The following FBXL17 variants were observed in gnomAD, a reference collection of about 807,000 sequenced individuals.
The protein encoded by FBXL17 is F-box/LRR-repeat protein 17.
In FBXL17, 22 loss-of-function variants were observed where a neutral mutation model predicts 66.2. The observed-to-expected ratio is 0.33, with a 90% CI of 0.24 to 0.47. The LOEUF (loss-of-function observed/expected upper bound fraction) is 0.47, where lower values mean the gene tolerates loss of function less well. Among genes scored for constraint, FBXL17 ranks in the 20% least tolerant of loss-of-function variants. FBXL17 has a pLI of 1.00. For synonymous variants in FBXL17, 474 were observed against 400.5 expected, an observed-to-expected ratio of 1.18 and a Z score of -2.19; for missense variants, 878 against 948.2, an observed-to-expected ratio of 0.93 and a Z score of 0.97.
chr5:108,208,918 T>A (rs955688094), intron 5 of FBXL17, among the ~76,000 whole-genome samples: 1 of 152,168 alleles, frequency 6.6e-6, no homozygotes, highest in Non-Finnish European at 1.5e-5. Context: ...GCCATTTTCA[T>A]GATATTGATT....
intron 7 of FBXL17, among the ~76,000 whole-genome samples, chr5:107,913,871 C>T (rs1218677786): frequency 2.6e-5 from 4 of 151,824 alleles, no homozygotes. Flanking sequence ...AAAAACAGTA[C>T]AAGAGCATGT....
At chr5:108,194,104 A>C (rs1477620903) in intron 5 of FBXL17, among the ~76,000 whole-genome samples, 1 of 152,142 alleles carries the variant, frequency 6.6e-6, no homozygotes, top group East Asian at 1.9e-4. Flanking sequence ...TGCAAAAAGG[A>C]ATCCCAGAGC....
intron 1 of FBXL17, among the ~76,000 whole-genome samples, chr5:108,369,541 T>C (rs1748894320): frequency 6.6e-6 from 1 of 152,142 alleles, no homozygotes; most frequent in Non-Finnish European, 1.5e-5. Flanking sequence ...GAAATCTCTG[T>C]ACTATCATTG....
chr5:108,308,661 T>C (rs753244368), intron 4 of FBXL17, among the ~76,000 whole-genome samples: 3 of 152,200 alleles, frequency 2.0e-5, no homozygotes, highest in Non-Finnish European at 2.9e-5. Context: ...CTGTGACACA[T>C]CAGGTTGCTG....
intron 7 of FBXL17, among the ~76,000 whole-genome samples, chr5:107,940,628 C>A (rs1342476777): frequency 6.6e-6 from 1 of 151,916 alleles, no homozygotes; most frequent in South Asian, 2.1e-4. Context: ...GGAGGGTGGG[C>A]GTGTACAGGA....
chr5:108,003,727 A>G (rs1235253471), intron 7 of FBXL17, among the ~76,000 whole-genome samples: 13 of 152,204 alleles, frequency 8.5e-5, no homozygotes, highest in Admixed American at 8.5e-4. Context: ...GCTTACAGAG[A>G]AAATTGGACA....
chr5:108,096,655 G>T (rs1749379907), intron 6 of FBXL17, among the ~76,000 whole-genome samples: 1 of 152,170 alleles, frequency 6.6e-6, no homozygotes, highest in Non-Finnish European at 1.5e-5. Context: ...AAAACAATAA[G>T]ATCAGCTTTT....
chr5:108,362,037 C>T (rs543966242), intron 3 of FBXL17, among the ~76,000 whole-genome samples: 2 of 152,130 alleles, frequency 1.3e-5, no homozygotes, highest in African/African-American at 2.4e-5. Flanking sequence ...TTGCTATAAA[C>T]CTTTGACGTT....
In FBXL17 at chr5:107,861,840, T is replaced by C. The variant is rs1748132055; in HGVS notation, c.1986A>G (p.Glu662=). ...RCDKVNEVTV[E]QLVQQYPHIT... ...TGTGGGGGTACTGCTGCACCAGCTG[T>C]TCCACCGTCACTTCGTTGACCTGCA... Residue 662 remains glutamate, a synonymous_variant, in exon 9 of 9, where the codon GAA becomes GAG. Transcript: ENST00000542267. 6.5e-7 allele frequency: 1 copy of C among 1,544,082 alleles called. No homozygotes were observed. Among genetic ancestry groups the C allele is most frequent in the Non-Finnish European group, 8.8e-7 (1 of 1,140,358 alleles).
chr5:107,932,573 C>A (rs1440830007), intron 7 of FBXL17, among the ~76,000 whole-genome samples: 4 of 152,100 alleles, frequency 2.6e-5, no homozygotes, highest in Non-Finnish European at 5.9e-5. Context: ...AAACAAATGT[C>A]ATTTGTTTTA....
chr5:107,985,158 A>T (rs1435382948), intron 7 of FBXL17, among the ~76,000 whole-genome samples: 1 of 152,234 alleles, frequency 6.6e-6, no homozygotes, highest in Non-Finnish European at 1.5e-5. Flanking sequence ...TGTTCTTAAC[A>T]TTTGATAATC....
At chr5:108,038,676 T>G (rs1261014478) in intron 6 of FBXL17, among the ~76,000 whole-genome samples, 1 of 152,084 alleles carries the variant, frequency 6.6e-6, no homozygotes, top group African/African-American at 2.4e-5. Flanking sequence ...AAAAGAGAGA[T>G]AATTATTTCT....
intron 7 of FBXL17, among the ~76,000 whole-genome samples, chr5:108,014,585 T>C (rs1323484763): frequency 6.6e-6 from 1 of 152,216 alleles, no homozygotes; most frequent in African/African-American, 2.4e-5. Context: ...CAGTCTTTTA[T>C]TTCAAGGTTA....
intron 7 of FBXL17, among the ~76,000 whole-genome samples, chr5:107,934,282 G>A (rs1027009324): frequency 3.1e-4 from 47 of 152,124 alleles, no homozygotes; most frequent in Admixed American, 2.5e-3. Context: ...TGTGAACTTC[G>A]AGAACAATTC....
intron 7 of FBXL17, among the ~76,000 whole-genome samples, chr5:107,977,679 G>T (rs1206014329): frequency 6.6e-6 from 1 of 152,192 alleles, no homozygotes; most frequent in Non-Finnish European, 1.5e-5. Flanking sequence ...CAAACACGAT[G>T]AACACAATCT....
At position 107,878,914 on chromosome 5, in the gene FBXL17, A is replaced by G. The variant is rs1189668825; in HGVS notation, c.1965+2123T>C. On this transcript the variant is annotated intron_variant, in intron 8 of 8. Coordinates refer to ENST00000542267, the MANE Select transcript of FBXL17 (RefSeq NM_001163315.3). ...ACCAGACGGCGTCGTGCTGGAGCCA[A>G]TGGGTTCTCAGAGTGGCTCTCTGGT... 11 of 985,372 alleles carry G rather than the reference A, an allele frequency of 1.1e-5. No individual in the cohort carries two copies. The Admixed American group carries it at 1.8e-4, about 17-fold the overall frequency. The allele number at this position is 985,372 out of a possible 1,614,324, so 61.0% of individuals were successfully genotyped here. A position where few individuals can be genotyped will look rare whatever the true frequency, so the allele number is the denominator to read the frequency against.
At chr5:108,108,321 T>A (rs1367731327) in intron 6 of FBXL17, among the ~76,000 whole-genome samples, 2 of 152,320 alleles carry the variant, frequency 1.3e-5, no homozygotes, top group East Asian at 3.9e-4. Context: ...TTTTATTCAC[T>A]GCTGTAACTC....
At chr5:108,256,954 A>G (rs1016781048) in intron 4 of FBXL17, among the ~76,000 whole-genome samples, 1 of 152,142 alleles carries the variant, frequency 6.6e-6, no homozygotes, top group African/African-American at 2.4e-5. Flanking sequence ...TGTGTTGTGC[A>G]TTATGACAGT....
chr5:108,210,375 C>A (rs1249735472), intron 5 of FBXL17, among the ~76,000 whole-genome samples: 1 of 152,052 alleles, frequency 6.6e-6, no homozygotes, highest in Non-Finnish European at 1.5e-5. Context: ...TTTGCTGATG[C>A]TTCTCTAGTT....
Sources: allele counts gnomAD v4.1 joint callset (sites outside exome capture counted in the v4.1 genomes callset), GRCh38; gene constraint gnomAD v4.1.1; transcripts MANE v1.5; gene names NCBI Gene and HGNC (gene_info 2026-07-23, HGNC 2026-07-21).